Variants in ZNF658 observed in about 807,000 individuals in gnomAD.
The protein encoded by ZNF658 is zinc finger protein 658.
In ZNF658, 46 loss-of-function variants were observed where a neutral mutation model predicts 78.0. The observed-to-expected ratio is 0.59, with a 90% CI of 0.47 to 0.75. ZNF658 has a LOEUF of 0.75. Among genes scored for constraint, ZNF658 ranks in the 30% least tolerant of loss-of-function variants. ZNF658 has a pLI of 0.00. For missense variants in ZNF658, 785 were observed against 1,189.3 expected (o/e 0.66, Z 5.00); for synonymous variants, 279 against 408.4 (o/e 0.68, Z 3.82).
At position 66,919,683 on chromosome 9, in the gene ZNF658, G is replaced by T. The variant is rs1319188260; in HGVS notation, c.2117G>T (p.Arg706Ile). 2.5e-5 allele frequency: 40 copies of T among 1,612,648 alleles called. 1 individual carries two copies. The highest frequency in any genetic ancestry group is 3.8e-4 in the Middle Eastern group (2 of 5,288). The change falls in exon 5 of 5, where the codon AGA becomes ATA. Residue 706 changes from arginine (R) to isoleucine (I), a missense_variant. Around this residue, in one of 12 missense-constraint regions of ZNF658, gnomAD observed 75 missense variants for 147.1 expected, o/e 0.51. Coordinates refer to ENST00000621410, the MANE Select transcript of ZNF658 (RefSeq NM_033160.7). ...AHNSALKIHQRIHTGEKPYEC... is the reference protein window; with the variant it reads ...AHNSALKIHQIIHTGEKPYEC... ...AATTCAGCCCTCAAAATACATCAGA[G>T]AATTCACACGGGGGAGAAACCCTAT...
intron 6 of ZNF658, among the ~76,000 whole-genome samples, chr9:66,930,773 A>G (rs1396208747): frequency 2.0e-5 from 3 of 151,520 alleles, no homozygotes; most frequent in Non-Finnish European, 4.4e-5. Flanking sequence ...TATAAGAGCA[A>G]TATCTGTAAC....
At position 66,918,029 on chromosome 9, in the gene ZNF658, A is replaced by G. The variant is rs1822379335; in HGVS notation, c.463A>G (p.Ser155Gly). Residue 155 changes from serine (S) to glycine (G), a missense_variant, in exon 5 of 5, where the codon AGT (serine) becomes GGT (glycine). Physicochemically the swap from Ser to Gly is moderately conservative, Grantham distance 56 (BLOSUM62 0). Around this residue, in one of 12 missense-constraint regions of ZNF658, gnomAD observed 4 missense variants for 18.6 expected, o/e 0.22. Coordinates refer to ENST00000621410, the MANE Select transcript of ZNF658 (RefSeq NM_033160.7). Reference protein sequence around the residue: ...NLPVASQLIISERKYSRKKTE... With the variant: ...NLPVASQLIIGERKYSRKKTE... ...GCCAGTTGCTTCTCAATTAATTATA[A>G]GTGAAAGAAAATATTCAAGAAAGAA... 6.3e-7 allele frequency: 1 copy of G among 1,597,394 alleles called. No individual in the cohort carries two copies. Among genetic ancestry groups the G allele is most frequent in the African/African-American group, 1.4e-5 (1 of 73,824 alleles).
In ZNF658 at chr9:66,918,787, A is replaced by G; in HGVS notation, c.1221A>G (p.Ser407=). The G allele has an allele frequency of 1.2e-6, 2 of 1,613,896 alleles. No individual in the cohort carries two copies. Among genetic ancestry groups the G allele is most frequent in the South Asian group, 1.1e-5 (1 of 91,072 alleles). The change falls in exon 5 of 5, where the codon TCA becomes TCG. Residue 407 remains serine, a synonymous_variant. Coordinates refer to ENST00000621410, the MANE Select transcript of ZNF658 (RefSeq NM_033160.7). ...TCATTCAGCATCAGAGGCCCCACTC[A>G]GGAGAGAAAACTTACCAATATGAGG... ...AHLIQHQRPH[S]GEKTYQYEEC...
In ZNF658 at chr9:66,918,667, C is replaced by T. The variant is rs764829971; in HGVS notation, c.1101C>T (p.Asp367=). ...CAGATGCCCTCTACCAGAAATTAGA[C>T]TTTACAGCACATCAGAGAATTCACA... is the stretch of plus-strand genomic sequence containing the variant. ...ECTDALYQKL[D]FTAHQRIHTE... is the part of the protein sequence containing the mutation. Residue 367 remains aspartate (D), a synonymous_variant, in exon 5 of 5, where the codon GAC becomes GAT. Coordinates refer to ENST00000621410, the MANE Select transcript of ZNF658 (RefSeq NM_033160.7). The T allele has an allele frequency of 2.5e-6, 4 of 1,613,722 alleles. No homozygotes were observed. The African/African-American group carries it at 5.3e-5, about 22-fold the overall frequency.
intron 4 of ZNF658, among the ~76,000 whole-genome samples, chr9:66,909,905 G>T (rs1358073375): frequency 6.6e-6 from 1 of 152,180 alleles, no homozygotes; most frequent in Non-Finnish European, 1.5e-5. Context: ...TAAAATGAAA[G>T]TACTAATAAG....
rs770499565 is a variant in ZNF658, at chr9:66,918,885, A to T, written c.1319A>T (p.Tyr440Phe). ...GGAACTTATGTGGGATTCAAACTTT[A>T]TGAATGTAATGAATGTGGGAAAGCT... ...HPGTYVGFKLYECNECGKAFC... is the reference protein window; with the variant it reads ...HPGTYVGFKLFECNECGKAFC... Residue 440 changes from tyrosine to phenylalanine, a missense_variant, in exon 5 of 5, where the codon TAT (tyrosine) becomes TTT (phenylalanine). Transcript: ENST00000621410. 4.4e-6 allele frequency: 7 copies of T among 1,578,844 alleles called. No individual in the cohort carries two copies. In the African/African-American group the frequency reaches 9.9e-5, roughly 22 times the overall value.
intron 6 of ZNF658, among the ~76,000 whole-genome samples, chr9:66,930,226 C>A (rs1822627501): frequency 8.5e-6 from 1 of 117,332 alleles, no homozygotes; most frequent in Non-Finnish European, 1.8e-5. Context: ...CACAAGGTAG[C>A]TGCTTCTGAT....
In ZNF658 at chr9:66,917,655, G is replaced by C. The variant is rs1304400842; in HGVS notation, c.239-150G>C. 3.1e-5 allele frequency: 17 copies of C among 541,676 alleles called. 1 individual carries two copies. In the Admixed American group the frequency reaches 6.0e-4, roughly 19 times the overall value. 33.6% of individuals were successfully genotyped at this position (541,676 alleles called of 1,614,324 possible). A position where few individuals can be genotyped will look rare whatever the true frequency, so the allele number is the denominator to read the frequency against. On this transcript the variant is annotated intron_variant, in intron 4 of 4. Transcript: ENST00000621410. ...TTGAGCCTAGGAGTTCAAGGCTGCA[G>C]TGAGCTATGATCATGCCACTGCACT...
intron 4 of ZNF658, among the ~76,000 whole-genome samples, chr9:66,913,276 T>C (rs1237214560): frequency 6.6e-6 from 1 of 151,476 alleles, no homozygotes; most frequent in East Asian, 1.9e-4. Flanking sequence ...AGTACAAAAA[T>C]TAGCCAGGCG....
rs968540923 is a variant in ZNF658, at chr9:66,918,601, A to G, written c.1035A>G (p.Lys345=). 2 of 1,611,014 alleles carry G rather than the reference A, an allele frequency of 1.2e-6. No individual in the cohort carries two copies. The highest frequency in any genetic ancestry group is 2.7e-5 in the African/African-American group (2 of 74,698). Residue 345 remains lysine (K), a synonymous_variant, in exon 5 of 5, where the codon AAA becomes AAG. Transcript: ENST00000621410. The part of the protein sequence containing the change: ...SQSSAHIVHQ[K]TQAGDKFGEH... ...GCTCAGCCCATATAGTACATCAGAA[A>G]ACACAAGCTGGAGATAAATTTGGTG...
Position 66,918,148 on chromosome 9 carries a change from T to C in ZNF658, c.582T>C (p.Asn194=). The C allele has an allele frequency of 2.5e-6, 4 of 1,597,852 alleles. No homozygotes were observed. The highest frequency in any genetic ancestry group is 1.9e-4 in the Middle Eastern group (1 of 5,154). The change falls in exon 5 of 5, where the codon AAT becomes AAC. Residue 194 remains asparagine (N), a synonymous_variant. Transcript: ENST00000621410. ...AGAAATCTTATGAACATGGTGAAAA[T>C]GCTAAAGCTTTCAGTTATAAGAAAG... The part of the protein sequence containing the change: ...AEEKSYEHGE[N]AKAFSYKKDQ...
chr9:66,922,312 G>T (rs1345189541), downstream of ZNF658, among the ~76,000 whole-genome samples: 1 of 152,126 alleles, frequency 6.6e-6, no homozygotes, highest in Non-Finnish European at 1.5e-5. Context: ...GTGAGGCAAT[G>T]CCCTGCCCTG....
intron 4 of ZNF658, among the ~76,000 whole-genome samples, chr9:66,912,999 G>A (rs1203556485): frequency 6.6e-6 from 1 of 151,648 alleles, no homozygotes; most frequent in Non-Finnish European, 1.5e-5. Context: ...GGTGAGCTGA[G>A]ATCACACTAC....
At position 66,919,930 on chromosome 9, in the gene ZNF658, T is replaced by C; in HGVS notation, c.2364T>C (p.His788=). The change falls in exon 5 of 5, where the codon CAT becomes CAC. Residue 788 remains histidine (H), a synonymous_variant. Transcript: ENST00000621410. ...CCCAGAAATCATACCTCAGTGGACA[T>C]GAGAGAATTCACACAGGGGAAAAAC... The part of the protein sequence containing the change: ...TFSQKSYLSG[H]ERIHTGEKPY... The C allele has an allele frequency of 6.2e-7, 1 of 1,604,472 alleles. No individual in the cohort carries two copies. The highest frequency in any genetic ancestry group is 1.7e-5 in the Admixed American group (1 of 59,578).
At chr9:66,916,336 T>TA (rs1174770405) in intron 4 of ZNF658, among the ~76,000 whole-genome samples, 34 of 152,286 alleles carry the variant, frequency 2.2e-4, no homozygotes, top group African/African-American at 6.3e-4. Context: ...ATGTGTAACT[T>TA]ACAGTTCTTT....
downstream of ZNF658, among the ~76,000 whole-genome samples, chr9:66,926,052 ACT>A (rs1399514425): frequency 9.7e-5 from 13 of 133,940 alleles, no homozygotes; most frequent in South Asian, 1.7e-3. Flanking sequence ...CATGTTAGAA[ACT>A]CTCAACAAAC....
intron 6 of ZNF658, among the ~76,000 whole-genome samples, chr9:66,929,555 T>C (rs1323081741): frequency 6.6e-6 from 1 of 151,974 alleles, no homozygotes; most frequent in African/African-American, 2.4e-5. Flanking sequence ...AGGATGCAGG[T>C]TCTTTAATGC....
chr9:66,908,360 A>C lies in ZNF658; in HGVS notation c.138A>C (p.Ser46=). The C allele has an allele frequency of 1.2e-6, 2 of 1,614,138 alleles. No homozygotes were observed. The change falls in exon 3 of 5, where the codon TCA becomes TCC. Residue 46 remains serine, a synonymous_variant. Transcript: ENST00000621410. ...VMLENYSHLI[S]VGYCITKPKV... ...TGGAGAACTACAGCCACCTCATCTC[A>C]GTGGGTGAGCATAGCTTACCATGGG...
In ZNF658 at chr9:66,920,106, T is replaced by C. The variant is rs550330519; in HGVS notation, c.2540T>C (p.Ile847Thr). ...ACACACCTCTGTGCACATCAGAGAA[T>C]TCATACTGGGGAAAAACCCTATGAG... The part of the protein sequence containing the change: ...QRTHLCAHQR[I>T]HTGEKPYECN... The change falls in exon 5 of 5, where the codon ATT becomes ACT. Residue 847 changes from isoleucine (I) to threonine (T), a missense_variant. Coordinates refer to ENST00000621410, the MANE Select transcript of ZNF658 (RefSeq NM_033160.7). 6.8e-6 allele frequency: 11 copies of C among 1,612,176 alleles called. No individual in the cohort carries two copies. In the South Asian group the frequency reaches 1.1e-4, roughly 16 times the overall value.
Sources: allele counts gnomAD v4.1 joint callset (sites outside exome capture counted in the v4.1 genomes callset), GRCh38; gene constraint gnomAD v4.1.1; regional missense constraint gnomAD v4.1.1; transcripts MANE v1.5; gene names NCBI Gene and HGNC (gene_info 2026-07-23, HGNC 2026-07-21).